Variants in PCDH9 observed in about 807,000 individuals in gnomAD.
The protein encoded by PCDH9 is protocadherin 9, also known as protocadherin-9.
In PCDH9, 24 loss-of-function variants were observed where a neutral mutation model predicts 70.6. The observed-to-expected ratio is 0.34, with a 90% CI of 0.25 to 0.48. The LOEUF (loss-of-function observed/expected upper bound fraction) is 0.48, where lower values mean the gene tolerates loss of function less well. Among genes scored for constraint, PCDH9 ranks in the 20% least tolerant of loss-of-function variants. The pLI is 0.99. For synonymous variants in PCDH9, 562 were observed against 558.5 expected, an observed-to-expected ratio of 1.01 and a Z score of -0.09; for missense variants, 1,281 against 1,503.6, an observed-to-expected ratio of 0.85 and a Z score of 2.45.
intron 4 of PCDH9, among the ~76,000 whole-genome samples, chr13:66,438,092 AGT>A (rs1350855341): frequency 2.0e-5 from 3 of 151,772 alleles, no homozygotes; most frequent in Non-Finnish European, 2.9e-5. Flanking sequence ...AAATTAGCTG[AGT>A]GTGATGGCAT....
intron 4 of PCDH9, among the ~76,000 whole-genome samples, chr13:66,612,267 A>G (rs748706980): frequency 6.6e-6 from 1 of 152,186 alleles, no homozygotes; most frequent in Non-Finnish European, 1.5e-5. Flanking sequence ...TGCATCAAAA[A>G]TTTTAATCAG....
At chr13:67,041,211 G>A (rs1408475628) in intron 2 of PCDH9, among the ~76,000 whole-genome samples, 1 of 152,100 alleles carries the variant, frequency 6.6e-6, no homozygotes, top group Non-Finnish European at 1.5e-5. Context: ...CAGGAGAGAT[G>A]GCGTGGGATA....
At chr13:67,022,390 G>A (rs559357653) in intron 2 of PCDH9, among the ~76,000 whole-genome samples, 95 of 152,076 alleles carry the variant, frequency 6.2e-4, no homozygotes, top group African/African-American at 2.3e-3. Context: ...CAAAGTGCTG[G>A]GATTACAGGC....
At chr13:66,653,634 C>A (rs1331971777) in intron 3 of PCDH9, among the ~76,000 whole-genome samples, 3 of 151,934 alleles carry the variant, frequency 2.0e-5, no homozygotes, top group Non-Finnish European at 2.9e-5. Context: ...AATAGAGCTA[C>A]CATATGATCC....
intron 3 of PCDH9, among the ~76,000 whole-genome samples, chr13:66,864,412 G>C (rs954881685): frequency 1.8e-4 from 28 of 152,180 alleles, no homozygotes; most frequent in Admixed American, 5.9e-4. Context: ...CAGATGTTTT[G>C]ACACAAGACC....
chr13:66,495,054 A>C (rs1959092067), intron 4 of PCDH9, among the ~76,000 whole-genome samples: 1 of 152,108 alleles, frequency 6.6e-6, no homozygotes, highest in Admixed American at 6.6e-5. Context: ...ACAAGGAGTT[A>C]AAAACATGAA....
At chr13:67,176,338 C>A (rs190976003) in intron 2 of PCDH9, among the ~76,000 whole-genome samples, 368 of 152,166 alleles carry the variant, frequency 2.4e-3, no homozygotes, top group Non-Finnish European at 3.7e-3. Context: ...CAGGTTCAAT[C>A]CCCCATGCTT....
chr13:67,084,773 C>T (rs1201767872), intron 2 of PCDH9, among the ~76,000 whole-genome samples: 2 of 151,044 alleles, frequency 1.3e-5, no homozygotes, highest in Non-Finnish European at 2.9e-5. Context: ...TCGAGACCAT[C>T]CTGGCCAACA....
intron 2 of PCDH9, among the ~76,000 whole-genome samples, chr13:66,926,758 A>C (rs1055868428): frequency 1.2e-4 from 18 of 152,108 alleles, no homozygotes; most frequent in African/African-American, 4.3e-4. Context: ...ATGTACTTAC[A>C]TGTGCTACAC....
chr13:66,740,611 A>C (rs1463391740), intron 3 of PCDH9, among the ~76,000 whole-genome samples: 8 of 150,000 alleles, frequency 5.3e-5, no homozygotes, highest in Non-Finnish European at 1.2e-4. Context: ...AATAAAGAAA[A>C]AAAGAGAGAA....
intron 4 of PCDH9, among the ~76,000 whole-genome samples, chr13:66,508,732 C>T (rs946943586): frequency 6.6e-6 from 1 of 152,152 alleles, no homozygotes; most frequent in African/African-American, 2.4e-5. Context: ...TTCATTCCTA[C>T]TATCTTGCAC....
intron 2 of PCDH9, among the ~76,000 whole-genome samples, chr13:66,910,971 A>C (rs1426184238): frequency 1.3e-5 from 2 of 152,342 alleles, no homozygotes; most frequent in East Asian, 1.9e-4. Context: ...GCAGAAATAA[A>C]GGAGACAGAG....
At chr13:67,044,028 A>G (rs74093570) in intron 2 of PCDH9, among the ~76,000 whole-genome samples, 5,398 of 152,196 alleles carry the variant, frequency 0.035, 164 homozygotes, top group South Asian at 0.11. Context: ...AGGAAAGAGG[A>G]ATAGGATTAA....
intron 2 of PCDH9, among the ~76,000 whole-genome samples, chr13:67,170,691 G>A (rs2088257265): frequency 6.6e-6 from 1 of 152,108 alleles, no homozygotes; most frequent in African/African-American, 2.4e-5. Context: ...TTGGGAGGTC[G>A]AGGCCGGCGG....
chr13:66,639,851 A>G (rs2077686137), intron 3 of PCDH9, among the ~76,000 whole-genome samples: 1 of 152,078 alleles, frequency 6.6e-6, no homozygotes, highest in African/African-American at 2.4e-5. Flanking sequence ...AAAGTCCTCA[A>G]CCTATTTCTC....
intron 3 of PCDH9, among the ~76,000 whole-genome samples, chr13:66,739,771 A>C (rs200726250): frequency 0.28 from 39,610 of 143,804 alleles, 5,940 homozygotes; most frequent in East Asian, 0.44. Context: ...TAAAGGGATC[A>C]ATTCAACAAG....
At chr13:67,169,090 T>C (rs2088205645) in intron 2 of PCDH9, among the ~76,000 whole-genome samples, 1 of 152,178 alleles carries the variant, frequency 6.6e-6, no homozygotes, top group African/African-American at 2.4e-5. Flanking sequence ...TATCCTCACA[T>C]TGTGACACTG....
At chr13:67,078,472 A>T (rs1367244067) in intron 2 of PCDH9, among the ~76,000 whole-genome samples, 1 of 152,026 alleles carries the variant, frequency 6.6e-6, no homozygotes, top group African/African-American at 2.4e-5. Context: ...GAGGATTCAA[A>T]CTGACACACA....
At chr13:66,686,544 C>T (rs758298511) in intron 3 of PCDH9, among the ~76,000 whole-genome samples, 2 of 152,138 alleles carry the variant, frequency 1.3e-5, no homozygotes, top group Admixed American at 6.6e-5. Context: ...TAAAGTAACA[C>T]CAATTTATCT....
Sources: allele counts gnomAD v4.1 joint callset (sites outside exome capture counted in the v4.1 genomes callset), GRCh38; gene constraint gnomAD v4.1.1; transcripts MANE v1.5; gene names NCBI Gene and HGNC (gene_info 2026-07-23, HGNC 2026-07-21).